Variants in SLC22A23 observed in about 807,000 individuals in gnomAD.
The protein encoded by SLC22A23 is solute carrier family 22 member 23.
In SLC22A23, 26 loss-of-function variants were observed where a neutral mutation model predicts 61.0. That is an observed-to-expected ratio of 0.43 (90% confidence interval 0.31 to 0.59). SLC22A23 has a LOEUF of 0.59. SLC22A23 is among the 20% of genes least tolerant of loss of function. The probability of loss-of-function intolerance (pLI) is 0.11; values close to 1 mark genes in which losing one functional copy is unlikely to be tolerated. For missense variants in SLC22A23, 796 were observed against 934.7 expected (o/e 0.85, Z 1.94); for synonymous variants, 430 against 413.9 (o/e 1.04, Z -0.47).
chr6:3,358,749 A>T (rs570718529), intron 3 of SLC22A23, among the ~76,000 whole-genome samples: 42 of 152,336 alleles, frequency 2.8e-4, no homozygotes, highest in East Asian at 1.3e-3. Context: ...AAATAAAATT[A>T]AAAAATAAAA....
At chr6:3,352,178 G>A (rs1390766846) in intron 3 of SLC22A23, among the ~76,000 whole-genome samples, 4 of 152,166 alleles carry the variant, frequency 2.6e-5, no homozygotes, top group Admixed American at 2.6e-4. Flanking sequence ...GGAGATGTGA[G>A]AGTGCCTCTT....
At chr6:3,291,192 C>T (rs1760556103) in intron 5 of SLC22A23, 1 of 152,176 alleles carries the variant, frequency 6.6e-6, no homozygotes, top group South Asian at 2.1e-4. Context: ...GATCCTTCTG[C>T]TCCCTCGGGG....
chr6:3,386,384 C>T lies in SLC22A23; in HGVS notation c.913+23804G>A, dbSNP rs928717691. Among the ~76,000 whole-genome samples the T allele has an allele frequency of 7.2e-5, 11 of 152,300 alleles. No homozygotes were observed. The highest frequency in any genetic ancestry group is 2.2e-4 in the African/African-American group (9 of 41,568). ...AGGGAGAGCACGCTTGCTCTGTGTA[C>T]GCCACACGCACAACCAGCCCTGGGG... On this transcript the variant is annotated intron_variant, in intron 3 of 9. Transcript: ENST00000406686. This position sits in a 1 kb window ranked among gnomAD's most constrained non-coding sequence, Gnocchi z 4.4.
At chr6:3,440,622 G>C (rs1400530687) in intron 1 of SLC22A23, among the ~76,000 whole-genome samples, 1 of 150,782 alleles carries the variant, frequency 6.6e-6, no homozygotes, top group African/African-American at 2.4e-5. Flanking sequence ...CAGGAGAATA[G>C]TTTGAACCCA....
In SLC22A23 at chr6:3,456,159, C is replaced by T. The variant is rs753706757; in HGVS notation, c.401G>A (p.Gly134Asp). Reference sequence around the variant, plus strand: ...GGTGGTGACCCCTGCCAGCTCGGTGCCTTTGCCGGCCCCGCGGCACCAGAA... The same window carrying T: ...GGTGGTGACCCCTGCCAGCTCGGTGTCTTTGCCGGCCCCGCGGCACCAGAA... ...PNFWCRGAGK[G>D]TELAGVTTTG... Residue 134 changes from glycine to aspartate, a missense_variant, in exon 1 of 10, where the codon GGC becomes GAC. Physicochemically the swap from Gly to Asp is moderately conservative, Grantham distance 94 (BLOSUM62 -1). Transcript: ENST00000406686. This position sits in a 1 kb window ranked among gnomAD's most constrained non-coding sequence, Gnocchi z 7.1. 3.3e-5 allele frequency: 51 copies of T among 1,551,202 alleles called. No homozygotes were observed. The highest frequency in any genetic ancestry group is 4.4e-5 in the Non-Finnish European group (50 of 1,146,844).
chr6:3,359,008 T>C (rs905631132), intron 3 of SLC22A23, among the ~76,000 whole-genome samples: 2 of 152,196 alleles, frequency 1.3e-5, no homozygotes, highest in Non-Finnish European at 2.9e-5. Flanking sequence ...TGTGCCGATG[T>C]CTAATCAAGT....
intron 3 of SLC22A23, among the ~76,000 whole-genome samples, chr6:3,351,378 G>A (rs560328918): frequency 1.3e-5 from 2 of 151,966 alleles, no homozygotes; most frequent in African/African-American, 4.8e-5. Context: ...AAGGGTTGGG[G>A]AAAAATAATC....
chr6:3,363,901 C>T (rs530239837), intron 3 of SLC22A23, among the ~76,000 whole-genome samples: 3 of 152,340 alleles, frequency 2.0e-5, no homozygotes, highest in East Asian at 3.9e-4. Context: ...CAGGGACTGG[C>T]TGACCCTCAC....
intron 3 of SLC22A23, among the ~76,000 whole-genome samples, chr6:3,373,707 C>T (rs886387185): frequency 6.6e-6 from 1 of 152,166 alleles, no homozygotes; most frequent in African/African-American, 2.4e-5. Context: ...GAGGAAGCAG[C>T]AGCAACAGCA....
At chr6:3,369,240 TA>T (rs940106447) in intron 3 of SLC22A23, among the ~76,000 whole-genome samples, 6 of 151,900 alleles carry the variant, frequency 3.9e-5, no homozygotes, top group African/African-American at 9.7e-5. Context: ...TCTAAAGGGT[TA>T]AAAAAAATGG....
At chr6:3,326,603 A>C (rs1763296824) in intron 3 of SLC22A23, among the ~76,000 whole-genome samples, 1 of 152,164 alleles carries the variant, frequency 6.6e-6, no homozygotes, top group African/African-American at 2.4e-5. Context: ...CAGAGCCTTG[A>C]CTTTATTTCA....
At chr6:3,378,650 CTTTTTTCTTTTTT>C (rs1017621189) in intron 3 of SLC22A23, among the ~76,000 whole-genome samples, 9 of 79,378 alleles carry the variant, frequency 1.1e-4, no homozygotes, top group Non-Finnish European at 2.1e-4. Flanking sequence ...TTTTTCTTTT[CTTTTTTCTTTTTT>C]TTTTTTTTTT....
intron 3 of SLC22A23, among the ~76,000 whole-genome samples, chr6:3,349,987 C>T (rs1408543169): frequency 6.6e-6 from 1 of 152,178 alleles, no homozygotes; most frequent in African/African-American, 2.4e-5. Context: ...TTCACAGTCC[C>T]TTGGTTCTTG....
rs111428014 is a variant in SLC22A23, at chr6:3,388,514, T to C, written c.913+21674A>G. Among the ~76,000 whole-genome samples the C allele has an allele frequency of 1.4e-3, 212 of 152,168 alleles. 3 individuals carry two copies. Among genetic ancestry groups the C allele is most frequent in the African/African-American group, 4.9e-3 (204 of 41,504 alleles). On this transcript the variant is annotated intron_variant, in intron 3 of 9. Coordinates refer to ENST00000406686, the MANE Select transcript of SLC22A23 (RefSeq NM_015482.2). ...AAACTGTGACACTTCCTCGAAAACA[T>C]AAAAATACAATTACCATATGACCCA...
chr6:3,428,188 C>T (rs1353965984), intron 1 of SLC22A23, among the ~76,000 whole-genome samples: 1 of 152,214 alleles, frequency 6.6e-6, no homozygotes, highest in Non-Finnish European at 1.5e-5. Context: ...AGCAGAGACC[C>T]TCTCATGCCA....
Position 3,324,110 on chromosome 6 carries a change from TG to T in SLC22A23, c.914-109del. 2 of 1,360,060 alleles carry T rather than the reference TG, an allele frequency of 1.5e-6. No individual in the cohort carries two copies. The highest frequency in any genetic ancestry group is 2.0e-6 in the Non-Finnish European group (2 of 988,000). The allele number at this position is 1,360,060 out of a possible 1,614,324, so 84.2% of individuals were successfully genotyped here. On this transcript the variant is annotated intron_variant, in intron 3 of 9. Transcript: ENST00000406686. The surrounding 1 kb of genome is among the most constrained non-coding windows in gnomAD (Gnocchi z 4.3). ...TGCTTAACCCACCAACGACTGAAAT[TG>T]TTTTCATCTGCTGCCCACCACAAGT...
In SLC22A23 at chr6:3,273,312, T is replaced by C; in HGVS notation, c.1804A>G (p.Ile602Val). 6.2e-7 allele frequency: 1 copy of C among 1,614,026 alleles called. No homozygotes were observed. Among genetic ancestry groups the C allele is most frequent in the Middle Eastern group, 1.6e-4 (1 of 6,062 alleles). The change falls in exon 10 of 10, where the codon ATC (isoleucine) becomes GTC (valine). Residue 602 changes from isoleucine (I) to valine (V), a missense_variant. By Grantham distance (29) the Ile-to-Val change is conservative (BLOSUM62 3). Transcript: ENST00000406686. ...HNQKGYFLHH[I>V]IFACCTLICI... is the part of the protein sequence containing the mutation. ...ATGAGCGTGCAGCAGGCAAAGATGA[T>C]GTGGTGCAGGAAGTAGCCTTTCTGG...
chr6:3,277,437 G>A (rs911574644), intron 9 of SLC22A23, among the ~76,000 whole-genome samples: 2 of 151,866 alleles, frequency 1.3e-5, no homozygotes, highest in African/African-American at 4.8e-5. Context: ...TCCCGCCGCA[G>A]TGCACTTGCC....
chr6:3,391,345 G>A (rs717123), intron 3 of SLC22A23, among the ~76,000 whole-genome samples: 1 of 152,142 alleles, frequency 6.6e-6, no homozygotes, highest in Non-Finnish European at 1.5e-5. Context: ...TCTGGGTCAT[G>A]AGGCTTTGTG....
Sources: allele counts gnomAD v4.1 joint callset (sites outside exome capture counted in the v4.1 genomes callset), GRCh38; gene constraint gnomAD v4.1.1; non-coding constraint Gnocchi (gnomAD v3.1); transcripts MANE v1.5; gene names NCBI Gene and HGNC (gene_info 2026-07-23, HGNC 2026-07-21).